Variants in OR9Q1 observed in about 807,000 individuals in gnomAD.
The protein encoded by OR9Q1 is olfactory receptor family 9 subfamily Q member 1.
For missense variants in OR9Q1, 374 were observed against 378.8 expected, an observed-to-expected ratio of 0.99 and a Z score of 0.11; for synonymous variants, 153 against 148.6, an observed-to-expected ratio of 1.03 and a Z score of -0.22.
intron 1 of OR9Q1, among the ~76,000 whole-genome samples, chr11:58,042,116 T>C (rs200548508): frequency 2.5e-3 from 377 of 152,354 alleles, no homozygotes; most frequent in African/African-American, 8.8e-3. Context: ...CGTGCTACCC[T>C]TCTCTAAATA....
intron 2 of OR9Q1, among the ~76,000 whole-genome samples, chr11:58,120,558 G>A (rs146265475): frequency 2.0e-4 from 30 of 151,768 alleles, no homozygotes; most frequent in African/African-American, 7.2e-4. Flanking sequence ...TCCATCACCC[G>A]AGCAGTATAC....
At chr11:58,134,678 A>G (rs1014711976) in intron 2 of OR9Q1, among the ~76,000 whole-genome samples, 2 of 152,186 alleles carry the variant, frequency 1.3e-5, no homozygotes, top group African/African-American at 4.8e-5. Flanking sequence ...AAGAACCTCA[A>G]GATTCCAACT....
chr11:58,092,308 A>T (rs1343580133), intron 2 of OR9Q1, among the ~76,000 whole-genome samples: 1 of 137,322 alleles, frequency 7.3e-6, no homozygotes, highest in Non-Finnish European at 1.6e-5. Context: ...GTGCTTTTTA[A>T]ATGAAGGATA....
intron 1 of OR9Q1, among the ~76,000 whole-genome samples, chr11:58,050,345 G>A (rs1360993908): frequency 6.9e-5 from 10 of 144,476 alleles, no homozygotes; most frequent in African/African-American, 2.1e-4. Flanking sequence ...CAAGCAATGG[G>A]GAAAGGATTC....
chr11:58,120,057 T>TA (rs1422537578), intron 2 of OR9Q1, among the ~76,000 whole-genome samples: 2 of 152,306 alleles, frequency 1.3e-5, no homozygotes, highest in South Asian at 2.1e-4. Context: ...CAATGGGCAG[T>TA]AAAAAAATTG....
At chr11:58,060,560 T>C (rs1399831053) in intron 2 of OR9Q1, among the ~76,000 whole-genome samples, 1 of 152,104 alleles carries the variant, frequency 6.6e-6, no homozygotes, top group African/African-American at 2.4e-5. Flanking sequence ...ACCTAGTGGG[T>C]GCCCATATGA....
chr11:58,092,191 T>G (rs992694032), intron 2 of OR9Q1, among the ~76,000 whole-genome samples: 3 of 152,202 alleles, frequency 2.0e-5, no homozygotes, highest in Non-Finnish European at 4.4e-5. Context: ...GTCATCATGA[T>G]GCTAGCTGGT....
chr11:58,134,012 C>T (rs1590608474), intron 2 of OR9Q1, among the ~76,000 whole-genome samples: 1 of 152,290 alleles, frequency 6.6e-6, no homozygotes, highest in East Asian at 1.9e-4. Flanking sequence ...CAGAGTCCAT[C>T]AAGCTACTTT....
chr11:58,030,786 G>C, intron 1 of OR9Q1: 1 of 599,390 alleles, frequency 1.7e-6, no homozygotes, highest in Non-Finnish European at 3.0e-6. Context: ...GTTTTCTCAT[G>C]TCCCTCATGA....
chr11:58,031,851 A>C, intron 1 of OR9Q1: 1 of 1,614,130 alleles, frequency 6.2e-7, no homozygotes, highest in Non-Finnish European at 8.5e-7. Context: ...AGGAACAAGG[A>C]AGTGAAGGGA....
At chr11:58,086,261 AT>A (rs1384568229) in intron 2 of OR9Q1, among the ~76,000 whole-genome samples, 3 of 151,994 alleles carry the variant, frequency 2.0e-5, no homozygotes, top group Non-Finnish European at 4.4e-5. Flanking sequence ...ATGTGAAAAA[AT>A]ATTCATCATC....
intron 2 of OR9Q1, among the ~76,000 whole-genome samples, chr11:58,077,006 T>C (rs916043813): frequency 6.6e-6 from 1 of 152,002 alleles, no homozygotes; most frequent in African/African-American, 2.4e-5. Flanking sequence ...AGAGAAGAGA[T>C]GGGAAGGGAA....
In OR9Q1 at chr11:58,062,944, G is replaced by A. The variant is rs916582595; in HGVS notation, c.-15+6997G>A. 4.6e-4 allele frequency among the ~76,000 whole-genome samples: 70 copies of A among 152,104 alleles called. 1 individual carries two copies. The highest frequency in any genetic ancestry group is 1.5e-3 in the African/African-American group (63 of 41,422). ...CTTTTGAGAGCCATGTGGGTGCCCT[G>A]GAGTTATGGTTATATGAGTTCATGC... On this transcript the variant is annotated intron_variant, in intron 2 of 2. Coordinates refer to ENST00000335397, the MANE Select transcript of OR9Q1 (RefSeq NM_001005212.4).
intron 2 of OR9Q1, among the ~76,000 whole-genome samples, chr11:58,066,381 C>T (rs925716078): frequency 3.3e-5 from 5 of 152,080 alleles, no homozygotes; most frequent in Admixed American, 2.6e-4. Context: ...GTGGATTGTC[C>T]TTCTCTGTGG....
At chr11:58,109,062 G>T (rs1435620353) in intron 2 of OR9Q1, 1 of 469,684 alleles carries the variant, frequency 2.1e-6, no homozygotes, top group South Asian at 1.5e-5. Flanking sequence ...TTGCACAAAG[G>T]AGAATGACAA....
At chr11:58,059,124 C>T (rs1037122785) in intron 2 of OR9Q1, among the ~76,000 whole-genome samples, 1 of 152,162 alleles carries the variant, frequency 6.6e-6, no homozygotes, top group East Asian at 1.9e-4. Flanking sequence ...CCTTCGAAAG[C>T]CTGTGGGCTC....
intron 2 of OR9Q1, chr11:58,059,781 G>C (rs555816232): frequency 2.7e-5 from 4 of 148,074 alleles, no homozygotes; most frequent in African/African-American, 4.9e-5. Context: ...TATTATTATA[G>C]TTTTATTAAC....
chr11:58,143,648 A>G (rs1590613266), intron 2 of OR9Q1, among the ~76,000 whole-genome samples: 1 of 152,314 alleles, frequency 6.6e-6, no homozygotes, highest in East Asian at 1.9e-4. Flanking sequence ...GGAGATGAAC[A>G]ATGAAAACAC....
In OR9Q1 at chr11:58,095,786, A is replaced by T. The variant is rs138705203; in HGVS notation, c.-15+39839A>T. Among the ~76,000 whole-genome samples, 8 of 152,334 alleles carry T rather than the reference A, an allele frequency of 5.3e-5. No individual in the cohort carries two copies. In the South Asian group the frequency reaches 8.3e-4, roughly 16 times the overall value. On this transcript the variant is annotated intron_variant, in intron 2 of 2. Transcript: ENST00000335397. ...GAGATTTGAATGGGGACACAAAGCCAAACCATATCAGTGCTCTCTTAAGAC... is the reference window on the plus strand; with the variant it reads ...GAGATTTGAATGGGGACACAAAGCCTAACCATATCAGTGCTCTCTTAAGAC...
Sources: gnomAD v4.1 joint callset for allele counts (sites outside exome capture counted in the v4.1 genomes callset) on GRCh38, gnomAD v4.1.1 for gene constraint, MANE v1.5 for transcripts, NCBI Gene and HGNC (gene_info 2026-07-23, HGNC 2026-07-21) for gene names.